The following MALRD1 variants were observed in gnomAD, a reference collection of about 807,000 sequenced individuals.
MALRD1 encodes the protein MAM and LDL receptor class A domain containing 1.
MALRD1 carries 247 observed loss-of-function variants against 242.1 expected under a neutral mutation model. That is an observed-to-expected ratio of 1.02 (90% CI 0.92 to 1.13). The LOEUF (loss-of-function observed/expected upper bound fraction) is 1.13. MALRD1 is among the 50% of genes most tolerant of loss of function. MALRD1 has a pLI of 0.00. For missense variants in MALRD1, 2,989 were observed against 2,533.1 expected, an observed-to-expected ratio of 1.18 and a Z score of -3.86; for synonymous variants, 995 against 866.6, an observed-to-expected ratio of 1.15 and a Z score of -2.60.
chr10:19,491,143 C>G, intron 29 of MALRD1: 1 of 424,572 alleles, frequency 2.4e-6, no homozygotes, highest in South Asian at 2.0e-5. Context: ...ACGAGCAGCA[C>G]AAATGGCCAG....
At chr10:19,401,231 C>T (rs181204436) in intron 28 of MALRD1, among the ~76,000 whole-genome samples, 43 of 152,212 alleles carry the variant, frequency 2.8e-4, no homozygotes, top group African/African-American at 1.0e-3. Context: ...ATATCTGATA[C>T]TGTGATTCTA....
At chr10:19,128,545 TA>T (rs1255146357) in intron 8 of MALRD1, among the ~76,000 whole-genome samples, 158 bp downstream of exon 8, 4 of 152,146 alleles carry the variant, frequency 2.6e-5, no homozygotes, top group East Asian at 1.9e-4. Context: ...GAAACTAGGA[TA>T]GGGGACACTC....
At chr10:19,087,097 G>A (rs1432454049) in intron 2 of MALRD1, among the ~76,000 whole-genome samples, 1 of 152,034 alleles carries the variant, frequency 6.6e-6, no homozygotes, top group Non-Finnish European at 1.5e-5. Flanking sequence ...CTAGCTGCTT[G>A]TTGTTAGAAG....
intron 12 of MALRD1, among the ~76,000 whole-genome samples, chr10:19,156,803 A>T (rs927258680): frequency 2.0e-5 from 3 of 152,054 alleles, no homozygotes; most frequent in African/African-American, 7.2e-5. Flanking sequence ...TCAGTTTATC[A>T]TTGTTTCCAC....
chr10:19,192,047 T>C (rs1347570006), intron 14 of MALRD1, among the ~76,000 whole-genome samples: 1 of 151,922 alleles, frequency 6.6e-6, no homozygotes, highest in Non-Finnish European at 1.5e-5. Context: ...AAAAAAAAAC[T>C]TGAGGACATA....
rs145347228 is a variant in MALRD1, at chr10:19,490,383, G to A, written c.5030-1134G>A. Among the ~76,000 whole-genome samples, 429 of 151,812 alleles carry A rather than the reference G, an allele frequency of 2.8e-3. 3 individuals are homozygous for A. The highest frequency in any genetic ancestry group is 9.9e-3 in the African/African-American group (408 of 41,390). Reference sequence around the variant, plus strand: ...AAACCATGTGAAGGGACATAAACCCGGTCGATTAAATCTGGAACAATGTTT... The same window carrying A: ...AAACCATGTGAAGGGACATAAACCCAGTCGATTAAATCTGGAACAATGTTT... On this transcript the variant is annotated intron_variant, in intron 29 of 39. Transcript: ENST00000454679.
intron 32 of MALRD1, among the ~76,000 whole-genome samples, chr10:19,538,497 G>C (rs148136307): frequency 2.1e-3 from 320 of 152,114 alleles, no homozygotes; most frequent in Non-Finnish European, 3.9e-3. Flanking sequence ...GTCACTTTTT[G>C]ATCCATACTG....
chr10:19,203,643 A>C, intron 14 of MALRD1, 85 bp from the exon 15 acceptor site: 1 of 1,320,998 alleles, frequency 7.6e-7, no homozygotes, highest in South Asian at 1.7e-5. Flanking sequence ...AAGCATAATA[A>C]GGTGAATTCT....
At chr10:19,531,581 G>T (rs986337930) in intron 32 of MALRD1, among the ~76,000 whole-genome samples, 1 of 152,090 alleles carries the variant, frequency 6.6e-6, no homozygotes, top group Non-Finnish European at 1.5e-5. Flanking sequence ...CAATTATGTT[G>T]TATGGTATTT....
At chr10:19,294,213 A>G (rs1323044649) in intron 21 of MALRD1, among the ~76,000 whole-genome samples, 1 of 152,194 alleles carries the variant, frequency 6.6e-6, no homozygotes, top group Non-Finnish European at 1.5e-5. Context: ...TAACCACATT[A>G]AAAAGAAATA....
chr10:19,444,697 C>A (rs1834865086), intron 28 of MALRD1, among the ~76,000 whole-genome samples: 1 of 152,190 alleles, frequency 6.6e-6, no homozygotes, highest in Non-Finnish European at 1.5e-5. Context: ...TGATGGGCAT[C>A]CCTTTCGTGG....
chr10:19,201,600 C>T (rs956668055), intron 14 of MALRD1, among the ~76,000 whole-genome samples: 1 of 152,148 alleles, frequency 6.6e-6, no homozygotes, highest in African/African-American at 2.4e-5. Flanking sequence ...GCATTTGCTT[C>T]CCAGGTATTG....
intron 36 of MALRD1, among the ~76,000 whole-genome samples, chr10:19,670,969 C>G (rs924021280): frequency 5.9e-5 from 9 of 151,746 alleles, no homozygotes; most frequent in Non-Finnish European, 1.3e-4. Flanking sequence ...AGCTCCGCCT[C>G]CCGGGTTCAC....
At chr10:19,540,975 A>G (rs1834942550) in intron 32 of MALRD1, among the ~76,000 whole-genome samples, 1 of 152,112 alleles carries the variant, frequency 6.6e-6, no homozygotes, top group South Asian at 2.1e-4. Context: ...TATTCAGGGT[A>G]AAAAAATGAA....
Position 19,082,161 on chromosome 10 carries a change from C to CT in MALRD1, c.341-5672dup, listed in dbSNP as rs554874717. 3.9e-3 allele frequency among the ~76,000 whole-genome samples: 592 copies of CT among 151,370 alleles called. 3 individuals are homozygous for CT. Among genetic ancestry groups the CT allele is most frequent in the African/African-American group, 0.014 (568 of 41,376 alleles). ...TAGTGTATTATATTAATATCCTTTT[C>CT]TTTTTTTACTATATATTTTTGAATT... On this transcript the variant is annotated intron_variant, in intron 2 of 39. Coordinates refer to ENST00000454679, the MANE Select transcript of MALRD1 (RefSeq NM_001142308.3).
In MALRD1 at chr10:19,148,786, AAAATATAT is replaced by A. The variant is rs1160161191; in HGVS notation, c.1558+2444_1558+2451del. On this transcript the variant is annotated intron_variant, in intron 11 of 39. Transcript: ENST00000454679. Reference sequence around the variant, plus strand: ...GAAAGGGCCAATTAAAAAAAAAAAAAAAATATATATATATATATATATATCTGGATCAC... The same window carrying A: ...GAAAGGGCCAATTAAAAAAAAAAAAAATATATATATATATATCTGGATCAC... Among the ~76,000 whole-genome samples the A allele has an allele frequency of 6.1e-3, 415 of 68,192 alleles. 2 individuals carry two copies. The highest frequency in any genetic ancestry group is 0.011 in the Non-Finnish European group (312 of 28,054). 44.7% of individuals were successfully genotyped at this position (68,192 alleles called of 152,430 possible).
chr10:19,193,653 C>T (rs892737327), intron 14 of MALRD1, among the ~76,000 whole-genome samples: 4 of 152,004 alleles, frequency 2.6e-5, no homozygotes, highest in Non-Finnish European at 5.9e-5. Flanking sequence ...AAATGAGTAG[C>T]GTTAATATAA....
chr10:19,600,977 C>A (rs2131576193), intron 34 of MALRD1, among the ~76,000 whole-genome samples: 1 of 152,142 alleles, frequency 6.6e-6, no homozygotes, highest in African/African-American at 2.4e-5. Flanking sequence ...CTTGCCCTCC[C>A]AGGCTCAAGC....
At chr10:19,522,818 C>T (rs570846479) in intron 31 of MALRD1, among the ~76,000 whole-genome samples, 17 of 152,258 alleles carry the variant, frequency 1.1e-4, no homozygotes, top group African/African-American at 4.1e-4. Context: ...CAGTTTGACT[C>T]AGAGCTGGTC....
Sources: allele counts gnomAD v4.1 joint callset (sites outside exome capture counted in the v4.1 genomes callset), GRCh38; gene constraint gnomAD v4.1.1; transcripts MANE v1.5; gene names NCBI Gene and HGNC (gene_info 2026-07-23, HGNC 2026-07-21).